MTMR7: variants seen among roughly 807,000 people sequenced by gnomAD.
The protein encoded by MTMR7 is phosphatidylinositol-3-phosphate phosphatase MTMR7.
A neutral mutation model predicts 81.2 loss-of-function variants in MTMR7; 76 were observed. That is an observed-to-expected ratio of 0.94 (90% CI 0.78 to 1.13). The LOEUF is 1.13. Ranked by LOEUF, MTMR7 falls within the 50% of genes most tolerant of loss-of-function variation. The pLI is 0.00. For missense variants in MTMR7, 1,044 were observed against 820.0 expected, an observed-to-expected ratio of 1.27 and a Z score of -3.34; for synonymous variants, 372 against 289.8, an observed-to-expected ratio of 1.28 and a Z score of -2.88.
At chr8:17,413,178 C>T in intron 1 of MTMR7, 91 bp downstream of exon 1, 1 of 1,447,466 alleles carries the variant, frequency 6.9e-7, no homozygotes, top group Non-Finnish European at 9.5e-7. Flanking sequence ...CGGTGCCCCT[C>T]AAAGCAGTCG....
chr8:17,299,976 T>C lies in MTMR7; in HGVS notation c.1869A>G (p.Gln623=), dbSNP rs768239482. 2.5e-6 allele frequency: 4 copies of C among 1,614,128 alleles called. No homozygotes were observed. The East Asian group carries it at 8.9e-5, about 36-fold the overall frequency. The change falls in exon 14 of 14, where the codon CAA becomes CAG. Residue 623 remains glutamine (Q), a synonymous_variant. Transcript: ENST00000180173. ...AGCTCAAATCCTCCACCCCGGACTC[T>C]TGGTCACTGTTGGCTGACAGATCTG... ...SDPDLSANSD[Q]ESGVEDLSCR...
chr8:17,335,719 T>C (rs1380657262), intron 6 of MTMR7, among the ~76,000 whole-genome samples: 10 of 152,240 alleles, frequency 6.6e-5, no homozygotes, highest in African/African-American at 2.4e-4. Flanking sequence ...TTTTATTCCT[T>C]GCAACTATTC....
At chr8:17,339,177 T>A (rs1819337294) in intron 6 of MTMR7, among the ~76,000 whole-genome samples, 2 of 152,210 alleles carry the variant, frequency 1.3e-5, no homozygotes, top group African/African-American at 4.8e-5. Flanking sequence ...CCCCACAGTG[T>A]ACACTTTTAA....
chr8:17,396,186 C>G (rs1224597026), intron 1 of MTMR7, among the ~76,000 whole-genome samples: 1 of 151,666 alleles, frequency 6.6e-6, no homozygotes, highest in Non-Finnish European at 1.5e-5. Context: ...CAAATAGAAG[C>G]CTCCACAGAT....
intron 1 of MTMR7, among the ~76,000 whole-genome samples, chr8:17,375,396 T>C (rs532679940): frequency 3.2e-4 from 49 of 152,280 alleles, no homozygotes; most frequent in Middle Eastern, 3.4e-3. Flanking sequence ...CTCTGGAGCA[T>C]TGTGAAATTC....
intron 4 of MTMR7, among the ~76,000 whole-genome samples, chr8:17,355,769 A>C (rs2150553098): frequency 6.6e-6 from 1 of 152,262 alleles, no homozygotes; most frequent in East Asian, 1.9e-4. Context: ...TTATAGAAAA[A>C]AGAGCAAAAA....
At chr8:17,310,839 C>A (rs1205045308) in intron 9 of MTMR7, among the ~76,000 whole-genome samples, 1 of 152,142 alleles carries the variant, frequency 6.6e-6, no homozygotes, top group African/African-American at 2.4e-5. Flanking sequence ...TCTACCAAAT[C>A]ATGGTTAAGA....
At chr8:17,373,851 G>A (rs539978967) in intron 1 of MTMR7, among the ~76,000 whole-genome samples, 1 of 152,178 alleles carries the variant, frequency 6.6e-6, no homozygotes, top group Non-Finnish European at 1.5e-5. Flanking sequence ...ACTGCTAGAA[G>A]AGATTTCTGG....
intron 1 of MTMR7, among the ~76,000 whole-genome samples, chr8:17,400,968 T>C (rs1030374780): frequency 6.6e-6 from 1 of 152,166 alleles, no homozygotes; most frequent in Non-Finnish European, 1.5e-5. Flanking sequence ...TGGTCTTGCA[T>C]GGAGGCTTGG....
chr8:17,355,716 C>T (rs1051828939), intron 4 of MTMR7, among the ~76,000 whole-genome samples: 1 of 145,138 alleles, frequency 6.9e-6, no homozygotes, highest in African/African-American at 2.7e-5. Flanking sequence ...AAATTATTGG[C>T]TACATTATAT....
intron 1 of MTMR7, among the ~76,000 whole-genome samples, chr8:17,398,283 T>G (rs1821319972): frequency 6.6e-6 from 1 of 152,112 alleles, no homozygotes; most frequent in African/African-American, 2.4e-5. Context: ...TTGAGGAAAC[T>G]CAAAGAAATT....
intron 2 of MTMR7, 62 bp downstream of exon 2, chr8:17,373,056 G>A (rs1820467472): frequency 8.8e-6 from 14 of 1,588,908 alleles, no homozygotes; most frequent in Admixed American, 1.7e-5. Flanking sequence ...ATGAATGGAG[G>A]GCAAACACTT....
At chr8:17,319,673 C>G (rs1481103748) in intron 7 of MTMR7, among the ~76,000 whole-genome samples, 1 of 152,154 alleles carries the variant, frequency 6.6e-6, no homozygotes, top group Non-Finnish European at 1.5e-5. Flanking sequence ...ACTTATTATT[C>G]TCATTCTTGA....
At chr8:17,397,388 G>A (rs1450794821) in intron 1 of MTMR7, among the ~76,000 whole-genome samples, 1 of 152,054 alleles carries the variant, frequency 6.6e-6, no homozygotes, top group Non-Finnish European at 1.5e-5. Context: ...ACCACAAGCT[G>A]ACTGAAGAGC....
chr8:17,310,936 C>T (rs1817747708), intron 9 of MTMR7, among the ~76,000 whole-genome samples: 1 of 152,128 alleles, frequency 6.6e-6, no homozygotes, highest in African/African-American at 2.4e-5. Flanking sequence ...TAGTTGAAAG[C>T]AACGTTACAT....
chr8:17,341,538 C>T (rs777576478), intron 5 of MTMR7, 41 bp from the exon 6 acceptor site: 3 of 1,607,436 alleles, frequency 1.9e-6, no homozygotes, highest in Admixed American at 3.3e-5. Context: ...CATCAGGTAA[C>T]TGTACCCATG....
Position 17,297,710 on chromosome 8 carries a change from T to A in MTMR7, c.*2152A>T, listed in dbSNP as rs1816796988. ...AAACACTTCCTGATTAATGTTTGAT[T>A]ATTAGATATTTTAGTCTTGTTGGGG... On this transcript the variant is annotated 3_prime_UTR_variant, in exon 14 of 14. Coordinates refer to ENST00000180173, the MANE Select transcript of MTMR7 (RefSeq NM_004686.5). 6.6e-6 allele frequency: 1 copy of A among 152,068 alleles called. No individual in the cohort carries two copies. The allele number at this position is 152,068 out of a possible 1,614,324, so 9.4% of individuals were successfully genotyped here.
At chr8:17,371,839 C>T (rs1820429868) in intron 2 of MTMR7, among the ~76,000 whole-genome samples, 2 of 146,210 alleles carry the variant, frequency 1.4e-5, no homozygotes, top group Non-Finnish European at 3.0e-5. Context: ...GCATGGCCAT[C>T]ACTTACCTAT....
intron 1 of MTMR7, among the ~76,000 whole-genome samples, chr8:17,374,878 C>T (rs745546624): frequency 6.6e-5 from 10 of 151,254 alleles, no homozygotes; most frequent in Admixed American, 2.0e-4. Context: ...ATCATGAGGT[C>T]GGGAGTTCAA....
Sources: gnomAD v4.1 joint callset for allele counts (sites outside exome capture counted in the v4.1 genomes callset) on GRCh38, gnomAD v4.1.1 for gene constraint, MANE v1.5 for transcripts, NCBI Gene and HGNC (gene_info 2026-07-23, HGNC 2026-07-21) for gene names.